WASHC4: variants seen among roughly 807,000 people sequenced by gnomAD.
WASHC4 encodes the protein WASH complex subunit 4.
Under a neutral mutation model 166.6 loss-of-function variants are expected in WASHC4, and 86 were observed. That is an observed-to-expected ratio of 0.52 (90% CI 0.43 to 0.62). The LOEUF (loss-of-function observed/expected upper bound fraction) is 0.62. Among genes scored for constraint, WASHC4 ranks in the 20% least tolerant of loss-of-function variants. The pLI is 0.00. For synonymous variants in WASHC4, 446 were observed against 451.6 expected (o/e 0.99, Z 0.16); for missense variants, 1,262 against 1,382.4 (o/e 0.91, Z 1.38).
At chr12:105,163,434 G>A (rs918667478) in intron 30 of WASHC4, among the ~76,000 whole-genome samples, 1 of 152,072 alleles carries the variant, frequency 6.6e-6, no homozygotes, top group African/African-American at 2.4e-5. Flanking sequence ...CAGTTTTAAC[G>A]TCTTATATTT....
rs936027381 is a variant in WASHC4 at position 105,168,998 on chromosome 12, C to T, written c.*2067C>T. The T allele has an allele frequency of 2.0e-5, 3 of 152,534 alleles. No homozygotes were observed. Among genetic ancestry groups the T allele is most frequent in the African/African-American group, 4.8e-5 (2 of 41,438 alleles). The allele number at this position is 152,534 out of a possible 1,614,324, so 9.4% of individuals were successfully genotyped here. Reference sequence around the variant, plus strand: ...CTCAGGAATTAAGGACTCACCATAACATTGTCAGTTCTAATGAAATTTTGT... The same window carrying T: ...CTCAGGAATTAAGGACTCACCATAATATTGTCAGTTCTAATGAAATTTTGT... On this transcript the variant is annotated 3_prime_UTR_variant, in exon 33 of 33. Transcript: ENST00000332180.
At position 105,147,187 on chromosome 12, in the gene WASHC4, G is replaced by A. The variant is rs777313800; in HGVS notation, c.2514+41G>A. The A allele has an allele frequency of 1.8e-5, 20 of 1,100,202 alleles. No homozygotes were observed. The Admixed American group carries it at 2.0e-4, about 11-fold the overall frequency. The allele number at this position is 1,100,202 out of a possible 1,614,324, so 68.2% of individuals were successfully genotyped here. ...TGGGGGTTGAGTGGGTAATAGACCC[G>A]TTTAATAGCTTGGAACGTGGTTTTC... On this transcript the variant is annotated intron_variant, in intron 24 of 32. Coordinates refer to ENST00000332180, the MANE Select transcript of WASHC4 (RefSeq NM_015275.3).
rs1880405557 is a variant in WASHC4 at position 105,118,523 on chromosome 12, T to C, written c.513T>C (p.Ser171=). ...VVHQLAALYI[S]NKIAPKIIET... ...ACCAGTTGGCTGCCCTCTATATCAG[T>C]AACAAGTAATGGATTTTAGAAATAT... The change falls in exon 7 of 33, where the codon AGT becomes AGC. Residue 171 remains serine (S), a synonymous_variant. Coordinates refer to ENST00000332180, the MANE Select transcript of WASHC4 (RefSeq NM_015275.3). 2 of 1,582,440 alleles carry C rather than the reference T, an allele frequency of 1.3e-6. No homozygotes were observed. The highest frequency in any genetic ancestry group is 1.7e-6 in the Non-Finnish European group (2 of 1,151,170).
intron 9 of WASHC4, 55 bp from the exon 10 acceptor site, chr12:105,122,063 T>C: frequency 6.0e-6 from 8 of 1,343,984 alleles, no homozygotes; most frequent in Non-Finnish European, 8.2e-6. Flanking sequence ...TTTTTAATTT[T>C]TAATTTAAGA....
intron 2 of WASHC4, among the ~76,000 whole-genome samples, chr12:105,112,030 C>T (rs1036240329): frequency 2.6e-5 from 4 of 152,250 alleles, no homozygotes; most frequent in Middle Eastern, 3.4e-3. Context: ...AACCATGTAC[C>T]GTGTGATAAT....
rs1308660736 is a variant in WASHC4 at position 105,157,297 on chromosome 12, G to GC, written c.2888dup (p.Glu964ArgfsTer16). On this transcript the variant is annotated frameshift_variant, in exon 28 of 33. Coordinates refer to ENST00000332180, the MANE Select transcript of WASHC4 (RefSeq NM_015275.3). LOFTEE classifies it high-confidence loss of function. ...AGAACTAGTAAAAGAAGAAGGTCTT[G>GC]CAGAAGAAACATTAAAAGCAGCAAG... 6.4e-7 allele frequency: 1 copy of GC among 1,559,504 alleles called. No individual in the cohort carries two copies. Among genetic ancestry groups the GC allele is most frequent in the Non-Finnish European group, 8.8e-7 (1 of 1,134,696 alleles).
Position 105,167,091 on chromosome 12 carries a change from T to C in WASHC4, c.*160T>C. 1.6e-6 allele frequency: 1 copy of C among 623,422 alleles called. No homozygotes were observed. The highest frequency in any genetic ancestry group is 2.8e-5 in the East Asian group (1 of 35,432). The allele number at this position is 623,422 out of a possible 1,614,324, so 38.6% of individuals were successfully genotyped here. Reference sequence around the variant, plus strand: ...CAGTGCTTTAAAGTGAAGTTCATTCTGTTTCCAAAGGCTCTACTTTCAAAG... The same window carrying C: ...CAGTGCTTTAAAGTGAAGTTCATTCCGTTTCCAAAGGCTCTACTTTCAAAG... On this transcript the variant is annotated 3_prime_UTR_variant, in exon 33 of 33. Transcript: ENST00000332180.
chr12:105,116,473 G>C (rs186219348), intron 6 of WASHC4, among the ~76,000 whole-genome samples: 1 of 151,994 alleles, frequency 6.6e-6, no homozygotes, highest in African/African-American at 2.4e-5. Context: ...CTCCATACAA[G>C]GTATTTCAAA....
At chr12:105,162,351 A>G (rs936518216) in intron 29 of WASHC4, among the ~76,000 whole-genome samples, 3 of 152,242 alleles carry the variant, frequency 2.0e-5, no homozygotes, top group African/African-American at 7.2e-5. Flanking sequence ...GTGCTTTGAA[A>G]TAAAGCAGGC....
rs373965284 is a variant in WASHC4 at position 105,150,387 on chromosome 12, G to A, written c.2649+638G>A. On this transcript the variant is annotated intron_variant, in intron 25 of 32. Coordinates refer to ENST00000332180, the MANE Select transcript of WASHC4 (RefSeq NM_015275.3). Reference sequence around the variant, plus strand: ...GACTTTCTGAAAACTTCCTTAAGGAGAAATTTCTAGGACAAGGAAATGTGA... The same window carrying A: ...GACTTTCTGAAAACTTCCTTAAGGAAAAATTTCTAGGACAAGGAAATGTGA... Among the ~76,000 whole-genome samples the A allele has an allele frequency of 3.5e-4, 53 of 152,288 alleles. 1 individual carries two copies. The highest frequency in any genetic ancestry group is 3.4e-3 in the Middle Eastern group (1 of 294).
rs1880638832 is a variant in WASHC4 at position 105,120,605 on chromosome 12, A to G, written c.561+8A>G. Reference sequence around the variant, plus strand: ...ACTGGAGTTCATTTTCAGGTAAAAGACATTTAGCTTGACCTGTAAAACTGT... The same window carrying G: ...ACTGGAGTTCATTTTCAGGTAAAAGGCATTTAGCTTGACCTGTAAAACTGT... On this transcript the variant is annotated splice_region_variant and intron_variant, in intron 8 of 32. Coordinates refer to ENST00000332180, the MANE Select transcript of WASHC4 (RefSeq NM_015275.3). 6.3e-7 allele frequency: 1 copy of G among 1,584,406 alleles called. No homozygotes were observed. Among genetic ancestry groups the G allele is most frequent in the Middle Eastern group, 1.7e-4 (1 of 6,008 alleles).
chr12:105,114,645 G>C (rs775919551), intron 4 of WASHC4, among the ~76,000 whole-genome samples: 1 of 151,976 alleles, frequency 6.6e-6, no homozygotes, highest in African/African-American at 2.4e-5. Flanking sequence ...AGGTAGGTGA[G>C]ACATTGATGA....
chr12:105,122,968 G>T (rs553970348), intron 10 of WASHC4, among the ~76,000 whole-genome samples: 1 of 152,248 alleles, frequency 6.6e-6, no homozygotes, highest in East Asian at 1.9e-4. Context: ...AGAGTTTCAT[G>T]TCTCTTAATC....
chr12:105,109,934 A>C (rs1565988508), intron 1 of WASHC4, among the ~76,000 whole-genome samples: 1 of 152,180 alleles, frequency 6.6e-6, no homozygotes, highest in African/African-American at 2.4e-5. Context: ...TTGCTGGTCA[A>C]ATGCAGCTTT....
intron 13 of WASHC4, among the ~76,000 whole-genome samples, chr12:105,132,273 G>A (rs1260591588): frequency 6.6e-6 from 1 of 152,194 alleles, no homozygotes; most frequent in Non-Finnish European, 1.5e-5. Context: ...CCGGGTTTAA[G>A]CAATTCTCTT....
chr12:105,136,610 A>G (rs1882343147), intron 14 of WASHC4, among the ~76,000 whole-genome samples: 1 of 152,090 alleles, frequency 6.6e-6, no homozygotes, highest in Admixed American at 6.5e-5. Flanking sequence ...GTACCCCTAA[A>G]AAAGGGAAGC....
chr12:105,135,410 T>C (rs1287107416), intron 14 of WASHC4, among the ~76,000 whole-genome samples: 1 of 151,598 alleles, frequency 6.6e-6, no homozygotes, highest in Non-Finnish European at 1.5e-5. Context: ...TTTTTTTTTT[T>C]CTTCTAGCTT....
rs1301734997 is a variant in WASHC4, at chr12:105,141,990, G to GT, written c.1788-454dup. Among the ~76,000 whole-genome samples, 237 of 127,482 alleles carry GT rather than the reference G, an allele frequency of 1.9e-3. 2 individuals are homozygous for GT. Among genetic ancestry groups the GT allele is most frequent in the African/African-American group, 7.6e-3 (227 of 29,806 alleles). 83.6% of individuals were successfully genotyped at this position (127,482 alleles called of 152,430 possible). ...AAGATTGTAGACATGTTAAGTGTGG[G>GT]TTTTTTTTTGGGGCGGGGGGGGTCA... On this transcript the variant is annotated intron_variant, in intron 18 of 32. Transcript: ENST00000332180.
intron 18 of WASHC4, among the ~76,000 whole-genome samples, chr12:105,141,614 T>C (rs1177534132): frequency 6.6e-6 from 1 of 152,202 alleles, no homozygotes; most frequent in African/African-American, 2.4e-5. Context: ...ATACGTAGTG[T>C]TCTATGATTT....
Sources: allele counts gnomAD v4.1 joint callset (sites outside exome capture counted in the v4.1 genomes callset), GRCh38; gene constraint gnomAD v4.1.1; transcripts MANE v1.5; gene names NCBI Gene and HGNC (gene_info 2026-07-23, HGNC 2026-07-21).